The following TCF4 variants were observed in gnomAD, a reference collection of about 807,000 sequenced individuals.
The protein encoded by TCF4 is transcription factor 4.
Under a neutral mutation model 82.1 loss-of-function variants are expected in TCF4, and 3 were observed. The ratio of observed to expected loss-of-function variants is 0.04; its 90% CI spans 0.02 to 0.09. The LOEUF is 0.09. Among genes scored for constraint, TCF4 ranks in the 10% least tolerant of loss-of-function variants. The probability of loss-of-function intolerance (pLI) is 1.00; values close to 1 mark genes in which losing one functional copy is unlikely to be tolerated. For missense variants in TCF4, 518 were observed against 852.7 expected, an observed-to-expected ratio of 0.61 and a Z score of 4.89; for synonymous variants, 276 against 309.6, an observed-to-expected ratio of 0.89 and a Z score of 1.14.
intron 6 of TCF4, among the ~76,000 whole-genome samples, chr18:55,370,513 C>T (rs931321365): frequency 1.3e-5 from 2 of 151,866 alleles, no homozygotes; most frequent in Non-Finnish European, 2.9e-5. Context: ...CATAGAAACA[C>T]TCAATTGACT....
Position 55,277,600 on chromosome 18 carries a change from CA to C in TCF4, c.656-1849del, listed in dbSNP as rs1415216438. Among the ~76,000 whole-genome samples, 3 of 90,912 alleles carry C rather than the reference CA, an allele frequency of 3.3e-5. No homozygotes were observed. The Admixed American group carries it at 4.9e-4, about 15-fold the overall frequency. The allele number at this position is 90,912 out of a possible 152,430, so 59.6% of individuals were successfully genotyped here. On this transcript the variant is annotated intron_variant, in intron 9 of 19. Transcript: ENST00000354452. ...ATTGTGCTCATCAAAAATGTCAACT[CA>C]ATTTTTTTTTTTTTTTTTTGCTTTT...
chr18:55,280,322 T>C (rs746397811), intron 8 of TCF4, among the ~76,000 whole-genome samples: 3 of 152,178 alleles, frequency 2.0e-5, no homozygotes, highest in Non-Finnish European at 2.9e-5. Flanking sequence ...ATTATATTTG[T>C]GTGTACAATA....
chr18:55,423,912 G>T (rs547999218), intron 5 of TCF4, among the ~76,000 whole-genome samples: 22 of 152,266 alleles, frequency 1.4e-4, no homozygotes, highest in African/African-American at 4.3e-4. Context: ...TGGGCGGAAG[G>T]GGGGATGGGA....
intron 15 of TCF4, among the ~76,000 whole-genome samples, chr18:55,244,234 G>A (rs547858155): frequency 1.3e-5 from 2 of 152,194 alleles, no homozygotes; most frequent in South Asian, 4.2e-4. Flanking sequence ...GCTTCGGTAC[G>A]GGTCTTGCCA....
At chr18:55,595,621 G>A (rs2097690098) in intron 2 of TCF4, among the ~76,000 whole-genome samples, 1 of 152,156 alleles carries the variant, frequency 6.6e-6, no homozygotes, top group African/African-American at 2.4e-5. Context: ...TGGTTTGGGA[G>A]TTTAGGAAAA....
chr18:55,419,295 C>G (rs1244605645), intron 5 of TCF4, among the ~76,000 whole-genome samples: 5 of 152,130 alleles, frequency 3.3e-5, no homozygotes, highest in Non-Finnish European at 7.4e-5. Flanking sequence ...TGGACTCCAA[C>G]AGAAGGAATG....
intron 5 of TCF4, among the ~76,000 whole-genome samples, chr18:55,437,478 AT>A (rs1367509472): frequency 6.6e-6 from 1 of 152,206 alleles, no homozygotes; most frequent in Non-Finnish European, 1.5e-5. Flanking sequence ...AAAATTATTA[AT>A]TTTTTGCACA....
chr18:55,596,099 G>C (rs1457265851), intron 2 of TCF4: 1 of 439,158 alleles, frequency 2.3e-6, no homozygotes. Flanking sequence ...CTCGAGTGAT[G>C]ACTCACGCCT....
chr18:55,275,279 A>AAAC (rs2061261575), intron 10 of TCF4, among the ~76,000 whole-genome samples: 1 of 149,850 alleles, frequency 6.7e-6, no homozygotes, highest in Non-Finnish European at 1.5e-5. Flanking sequence ...CAGATAGAAA[A>AAAC]AAAAAAAAAA....
At chr18:55,322,755 G>A (rs2075928482) in intron 8 of TCF4, among the ~76,000 whole-genome samples, 1 of 152,254 alleles carries the variant, frequency 6.6e-6, no homozygotes, top group African/African-American at 2.4e-5. Context: ...TGCTTTCACT[G>A]TAGCTTTAGA....
chr18:55,547,360 C>T (rs938743463), intron 3 of TCF4, among the ~76,000 whole-genome samples: 2 of 152,180 alleles, frequency 1.3e-5, no homozygotes, highest in African/African-American at 4.8e-5. Context: ...GTCAAACTGA[C>T]AGCCATGTTA....
chr18:55,348,664 T>C (rs114999645), intron 8 of TCF4, among the ~76,000 whole-genome samples: 1,685 of 152,224 alleles, frequency 0.011, 46 homozygotes, highest in African/African-American at 0.037. Context: ...ATTATGAAAA[T>C]TGTTGTTGAC....
intron 15 of TCF4, among the ~76,000 whole-genome samples, chr18:55,251,019 T>C (rs941169175): frequency 6.6e-6 from 1 of 152,108 alleles, no homozygotes; most frequent in African/African-American, 2.4e-5. Flanking sequence ...GATAAGCAGA[T>C]AGGGCTGGAC....
intron 5 of TCF4, among the ~76,000 whole-genome samples, chr18:55,429,955 G>A (rs565133786): frequency 3.4e-4 from 51 of 152,068 alleles, no homozygotes; most frequent in African/African-American, 9.2e-4. Context: ...CTGTCTCCTT[G>A]GAGTGAGGAC....
intron 1 of TCF4, chr18:55,635,564 C>T: frequency 9.3e-7 from 1 of 1,076,766 alleles, no homozygotes; most frequent in East Asian, 2.8e-5. Context: ...AGAGGGCAGG[C>T]CAAGTGCTGT....
rs1406443844 is a variant in TCF4, at chr18:55,222,414, G to T, written c.*5621C>A. 6.6e-6 allele frequency: 1 copy of T among 152,034 alleles called. No homozygotes were observed. The highest frequency in any genetic ancestry group is 1.5e-5 in the Non-Finnish European group (1 of 67,986). 9.4% of individuals were successfully genotyped at this position (152,034 alleles called of 1,614,324 possible). ...TCAAATCATTTAGAAGGTAAAAGGG[G>T]GTTATCAACCAAAATCTTTGGAAAT... On this transcript the variant is annotated 3_prime_UTR_variant, in exon 20 of 20. Transcript: ENST00000354452.
At chr18:55,541,022 A>C (rs184056616) in intron 3 of TCF4, among the ~76,000 whole-genome samples, 13 of 152,148 alleles carry the variant, frequency 8.5e-5, no homozygotes. Flanking sequence ...TATCTCTTTC[A>C]TATAGTGAGT....
chr18:55,313,257 C>A (rs1041210216), intron 8 of TCF4, among the ~76,000 whole-genome samples: 3 of 151,916 alleles, frequency 2.0e-5, no homozygotes, highest in Admixed American at 2.0e-4. Context: ...ATTGAGAGTT[C>A]ATTTATGTAA....
At chr18:55,552,402 C>T (rs2097267813) in intron 3 of TCF4, among the ~76,000 whole-genome samples, 1 of 152,150 alleles carries the variant, frequency 6.6e-6, no homozygotes, top group Non-Finnish European at 1.5e-5. Flanking sequence ...AGCTACTACA[C>T]CTCTTTGTCA....
Sources: gnomAD v4.1 joint callset for allele counts (sites outside exome capture counted in the v4.1 genomes callset) on GRCh38, gnomAD v4.1.1 for gene constraint, MANE v1.5 for transcripts, NCBI Gene and HGNC (gene_info 2026-07-23, HGNC 2026-07-21) for gene names.